Variants in PCDHGA10 observed in about 807,000 individuals in gnomAD.
PCDHGA10 encodes the protein protocadherin gamma subfamily A, 10, also known as protocadherin gamma-A10.
In PCDHGA10, 42 loss-of-function variants were observed where a neutral mutation model predicts 59.5. That is an observed-to-expected ratio of 0.71 (90% CI 0.55 to 0.91). The LOEUF is 0.91. Ranked by LOEUF, PCDHGA10 falls within the 40% of genes least tolerant of loss-of-function variation. The pLI is 0.00. For missense variants in PCDHGA10, 1,111 were observed against 1,198.2 expected (o/e 0.93, Z 1.07); for synonymous variants, 511 against 517.2 (o/e 0.99, Z 0.16).
intron 1 of PCDHGA10, among the ~76,000 whole-genome samples, chr5:141,425,689 A>C (rs887583603): frequency 6.6e-6 from 1 of 152,232 alleles, no homozygotes; most frequent in African/African-American, 2.4e-5. Flanking sequence ...ACTGCATATC[A>C]TTTCATAGTG....
At position 141,431,569 on chromosome 5, in the gene PCDHGA10, CGAA is replaced by C. The variant is rs780392922; in HGVS notation, c.2436+15960_2436+15962del. The C allele has an allele frequency of 1.9e-6, 3 of 1,614,000 alleles. No homozygotes were observed. The highest frequency in any genetic ancestry group is 2.7e-5 in the African/African-American group (2 of 74,932). ...TTGTAGTCAACGCTACCGACCCTGA[CGAA>C]GGAGTCAATGCGGAAGTGAGGTATT... On this transcript the variant is annotated intron_variant, in intron 1 of 3. Transcript: ENST00000398610. This position sits in a 1 kb window ranked among gnomAD's most constrained non-coding sequence, Gnocchi z 4.8.
Position 141,476,102 on chromosome 5 carries a change from C to G in PCDHGA10, c.2437-18705C>G, listed in dbSNP as rs1488747783. The G allele has an allele frequency of 1.3e-6, 2 of 1,576,940 alleles. No homozygotes were observed. Among genetic ancestry groups the G allele is most frequent in the African/African-American group, 2.7e-5 (2 of 73,926 alleles). ...ACGATCTGGACCCCGCTGAGAGGAA[C>G]TGCTTTTGAGTGAGATGGTCCCAGA... On this transcript the variant is annotated intron_variant, in intron 1 of 3. Transcript: ENST00000398610. The surrounding 1 kb of genome is among the most constrained non-coding windows in gnomAD (Gnocchi z 7.6).
chr5:141,431,150 CCTTA>C lies in PCDHGA10; in HGVS notation c.2436+15543_2436+15546del, dbSNP rs1302288904. ...AGTAAGGGACATTAACGACAATGCG[CCTTA>C]CTTTCGTGAAAGTGAATTAGAAATA... On this transcript the variant is annotated intron_variant, in intron 1 of 3. Coordinates refer to ENST00000398610, the MANE Select transcript of PCDHGA10 (RefSeq NM_018913.3). The surrounding 1 kb of genome is among the most constrained non-coding windows in gnomAD (Gnocchi z 4.8). 3 of 1,614,226 alleles carry C rather than the reference CCTTA, an allele frequency of 1.9e-6. No individual in the cohort carries two copies. The highest frequency in any genetic ancestry group is 2.2e-5 in the East Asian group (1 of 44,876).
At chr5:141,422,881 T>G in intron 1 of PCDHGA10, 1 of 1,614,214 alleles carries the variant, frequency 6.2e-7, no homozygotes, top group East Asian at 2.2e-5. Flanking sequence ...GCTGAGCCTG[T>G]TCGTGCTGGA....
At position 141,421,727 on chromosome 5, in the gene PCDHGA10, C is replaced by T. The variant is rs779718690; in HGVS notation, c.2436+6116C>T. The T allele has an allele frequency of 4.3e-6, 7 of 1,613,798 alleles. No individual in the cohort carries two copies. In the African/African-American group the frequency reaches 9.3e-5, roughly 22 times the overall value. ...AGGGATCCAGATGTGGGCGTGAACT[C>T]CCTCCAGAGCTACCAGCTCAGCCCT... On this transcript the variant is annotated intron_variant, in intron 1 of 3. Coordinates refer to ENST00000398610, the MANE Select transcript of PCDHGA10 (RefSeq NM_018913.3).
intron 2 of PCDHGA10, among the ~76,000 whole-genome samples, chr5:141,496,467 TC>T (rs1289225541): frequency 1.3e-5 from 2 of 152,176 alleles, no homozygotes; most frequent in Admixed American, 1.3e-4. Flanking sequence ...GAGTTATCTT[TC>T]CCCCATCCTG....
At chr5:141,434,608 C>T (rs142418557) in intron 1 of PCDHGA10, among the ~76,000 whole-genome samples, 1,532 of 152,226 alleles carry the variant, frequency 0.01, 34 homozygotes, top group African/African-American at 0.034. Flanking sequence ...CCTTTATTTC[C>T]GCCCATCTCT....
chr5:141,419,748 G>T, intron 1 of PCDHGA10: 1 of 1,613,872 alleles, frequency 6.2e-7, no homozygotes, highest in Non-Finnish European at 8.5e-7. Flanking sequence ...CGCATGGTGC[G>T]TGCTTTGGGT....
At chr5:141,460,459 T>A (rs2098989808) in intron 1 of PCDHGA10, among the ~76,000 whole-genome samples, 1 of 152,176 alleles carries the variant, frequency 6.6e-6, no homozygotes, top group South Asian at 2.1e-4. Flanking sequence ...ATTCATATTT[T>A]TTTCCAAAGG....
At chr5:141,427,890 G>A in intron 1 of PCDHGA10, 1 of 1,566,844 alleles carries the variant, frequency 6.4e-7, no homozygotes, top group Non-Finnish European at 8.7e-7. Flanking sequence ...CCACGACCAG[G>A]GCTCGCCCGC....
At chr5:141,417,798 C>T in intron 1 of PCDHGA10, 2 of 1,486,472 alleles carry the variant, frequency 1.3e-6, no homozygotes, top group Non-Finnish European at 1.8e-6. Context: ...GCTCTTTTAG[C>T]GCGGTAGAGT....
rs2099623857 is a variant in PCDHGA10, at chr5:141,486,060, A to ACC, written c.2437-8744_2437-8743dup. On this transcript the variant is annotated intron_variant, in intron 1 of 3. Transcript: ENST00000398610. This position sits in a 1 kb window ranked among gnomAD's most constrained non-coding sequence, Gnocchi z 5.0. Reference sequence around the variant, plus strand: ...CGTGTAAGAAACCTCTTTAGCCTGCACCCCACTACTGGAAAGCTTACTCTT... The same window carrying ACC: ...CGTGTAAGAAACCTCTTTAGCCTGCACCCCCCACTACTGGAAAGCTTACTCTT... The ACC allele has an allele frequency of 1.2e-6, 2 of 1,613,980 alleles. No homozygotes were observed. The highest frequency in any genetic ancestry group is 1.7e-6 in the Non-Finnish European group (2 of 1,179,980).
In PCDHGA10 at chr5:141,432,177, CTG is replaced by C. The variant is rs769631339; in HGVS notation, c.2436+16569_2436+16570del. 4 of 1,614,102 alleles carry C rather than the reference CTG, an allele frequency of 2.5e-6. No homozygotes were observed. Among genetic ancestry groups the C allele is most frequent in the Admixed American group, 1.7e-5 (1 of 60,012 alleles). ...AATCCCAGAGGAGTTTCCCTCGTCT[CTG>C]TGACCGCCCACGACCCCGACTGTGA... On this transcript the variant is annotated intron_variant, in intron 1 of 3. Transcript: ENST00000398610. The surrounding 1 kb of genome is among the most constrained non-coding windows in gnomAD (Gnocchi z 6.0).
At chr5:141,420,742 A>G (rs967908996) in intron 1 of PCDHGA10, among the ~76,000 whole-genome samples, 3 of 152,372 alleles carry the variant, frequency 2.0e-5, no homozygotes, top group African/African-American at 7.2e-5. Context: ...AATCAATTGG[A>G]ACCAACTACA....
intron 1 of PCDHGA10, among the ~76,000 whole-genome samples, chr5:141,443,034 A>T (rs368996869): frequency 2.0e-5 from 3 of 152,172 alleles, no homozygotes; most frequent in East Asian, 3.8e-4. Context: ...CCAGACCTAA[A>T]CTTTGAAAAT....
intron 1 of PCDHGA10, chr5:141,478,899 T>A (rs905349011): frequency 9.7e-7 from 1 of 1,027,124 alleles, no homozygotes; most frequent in African/African-American, 1.6e-5. Context: ...ACATTAGGAA[T>A]AAGCTGCTGG....
chr5:141,505,570 C>A, intron 3 of PCDHGA10, 89 bp downstream of exon 3: 1 of 1,598,160 alleles, frequency 6.3e-7, no homozygotes, highest in South Asian at 1.1e-5. Context: ...GACTGGATGT[C>A]AAACCTGTGT....
At chr5:141,427,825 C>T (rs1342117815) in intron 1 of PCDHGA10, 2 of 1,536,464 alleles carry the variant, frequency 1.3e-6, no homozygotes, top group Non-Finnish European at 1.8e-6. Flanking sequence ...GTGGTGGTCG[C>T]GCAGCGTGCC....
At chr5:141,435,614 C>T (rs1274100711) in intron 1 of PCDHGA10, among the ~76,000 whole-genome samples, 1 of 152,056 alleles carries the variant, frequency 6.6e-6, no homozygotes, top group Non-Finnish European at 1.5e-5. Context: ...ACATTAAATT[C>T]CCCATAACTT....
Sources: gnomAD v4.1 joint callset for allele counts (sites outside exome capture counted in the v4.1 genomes callset) on GRCh38, gnomAD v4.1.1 for gene constraint, Gnocchi (gnomAD v3.1) non-coding constraint, MANE v1.5 for transcripts, NCBI Gene and HGNC (gene_info 2026-07-23, HGNC 2026-07-21) for gene names.